Variants in TENM3 observed in about 807,000 individuals in gnomAD.
The protein encoded by TENM3 is teneurin-3.
A neutral mutation model predicts 255.1 loss-of-function variants in TENM3; 63 were observed. The ratio of observed to expected loss-of-function variants is 0.25; its 90% confidence interval spans 0.20 to 0.30. TENM3 has a LOEUF of 0.30. Ranked by LOEUF, TENM3 falls within the 10% of genes least tolerant of loss-of-function variation. TENM3 has a pLI of 1.00. For synonymous variants in TENM3, 1,306 were observed against 1,322.3 expected (o/e 0.99, Z 0.27); for missense variants, 2,929 against 3,461.1 (o/e 0.85, Z 3.86).
intron 24 of TENM3, among the ~76,000 whole-genome samples, chr4:182,780,049 C>G (rs1229513036): frequency 6.6e-6 from 1 of 151,448 alleles, no homozygotes; most frequent in African/African-American, 2.4e-5. Context: ...TGCAGAAGCT[C>G]TTTAGTTTAA....
At chr4:182,174,612 G>A (rs1285529849) in intron 1 of TENM3, among the ~76,000 whole-genome samples, 2 of 151,824 alleles carry the variant, frequency 1.3e-5, no homozygotes, top group African/African-American at 4.8e-5. Context: ...TAAATACTTG[G>A]GGTCAGATAG....
rs552559213 is a variant in TENM3, at chr4:182,145,779, C to G, written c.-76+1025C>G. 9.1e-4 allele frequency among the ~76,000 whole-genome samples: 138 copies of G among 152,284 alleles called. 1 individual carries two copies. The highest frequency in any genetic ancestry group is 1.4e-3 in the Non-Finnish European group (96 of 68,032). On this transcript the variant is annotated intron_variant, in intron 1 of 2. Transcript: ENST00000512480. Reference sequence around the variant, plus strand: ...CAGGGCCCCAGACGGCTGGGATGCCCGAGAACAGGACTGTCTCTTCATCAT... The same window carrying G: ...CAGGGCCCCAGACGGCTGGGATGCCGGAGAACAGGACTGTCTCTTCATCAT...
chr4:182,452,086 A>G (rs768733984), intron 3 of TENM3, among the ~76,000 whole-genome samples: 1 of 152,230 alleles, frequency 6.6e-6, no homozygotes, highest in Admixed American at 6.5e-5. Flanking sequence ...GTGAAAATCT[A>G]TATGTATACA....
intron 24 of TENM3, among the ~76,000 whole-genome samples, chr4:182,776,458 G>T (rs751116511): frequency 6.6e-6 from 1 of 152,104 alleles, no homozygotes; most frequent in Non-Finnish European, 1.5e-5. Flanking sequence ...TGACCCTAAC[G>T]CAGATAGCCT....
At chr4:181,708,686 TA>T in the TENM3 span, among the ~76,000 whole-genome samples, 10 of 151,148 alleles carry the variant, frequency 6.6e-5, no homozygotes, top group Admixed American at 2.6e-4. Context: ...GCTATGCCTT[TA>T]AAAAAAAAGT....
At chr4:182,360,676 A>G (rs1765902183) in intron 3 of TENM3, among the ~76,000 whole-genome samples, 1 of 151,972 alleles carries the variant, frequency 6.6e-6, no homozygotes, top group African/African-American at 2.4e-5. Context: ...TCTTTATCCA[A>G]TTTGCCAGTC....
chr4:182,429,999 A>T lies in TENM3; in HGVS notation c.511+83070A>T, dbSNP rs1771501783. On this transcript the variant is annotated intron_variant, in intron 3 of 27. Coordinates refer to ENST00000511685, the MANE Select transcript of TENM3 (RefSeq NM_001080477.4). ...TACACATCCAGAAAGTGTAAGAGGC[A>T]GAATTTGAACTGAAGCCTGTCTGAC... 2.0e-5 allele frequency among the ~76,000 whole-genome samples: 3 copies of T among 152,246 alleles called. No individual in the cohort carries two copies. In the South Asian group the frequency reaches 6.2e-4, roughly 31 times the overall value.
intron 16 of TENM3, 109 bp from the exon 17 acceptor site, chr4:182,736,699 C>T (rs1018813002): frequency 3.0e-5 from 32 of 1,059,074 alleles, no homozygotes; most frequent in Non-Finnish European, 2.4e-5. Flanking sequence ...TAAACTAAGA[C>T]ACAGAGAGTC....
the TENM3 span, among the ~76,000 whole-genome samples, chr4:181,929,588 C>T: frequency 6.6e-6 from 1 of 152,142 alleles, no homozygotes; most frequent in Non-Finnish European, 1.5e-5. Context: ...TGGTGGGACA[C>T]TTTAACACCC....
chr4:182,658,483 T>G (rs149385096), intron 6 of TENM3, among the ~76,000 whole-genome samples: 1 of 152,318 alleles, frequency 6.6e-6, no homozygotes, highest in East Asian at 1.9e-4. Flanking sequence ...AGATCTCAAC[T>G]ACATATTTTG....
At chr4:181,539,062 T>G in the TENM3 span, among the ~76,000 whole-genome samples, 2 of 152,200 alleles carry the variant, frequency 1.3e-5, no homozygotes, top group African/African-American at 4.8e-5. Context: ...TATCGTTCCC[T>G]TTGTATTTTT....
At chr4:182,432,085 A>G (rs559701420) in intron 3 of TENM3, among the ~76,000 whole-genome samples, 4 of 152,004 alleles carry the variant, frequency 2.6e-5, no homozygotes, top group African/African-American at 9.6e-5. Context: ...TCAAAAAAAA[A>G]AAAAAGAAAG....
chr4:181,614,331 T>TA, the TENM3 span, among the ~76,000 whole-genome samples: 190 of 152,240 alleles, frequency 1.2e-3, no homozygotes, highest in African/African-American at 4.4e-3. Context: ...ATCTCTCCCT[T>TA]AAAAAAAGAT....
chr4:182,343,278 A>G (rs1764597662), intron 2 of TENM3, among the ~76,000 whole-genome samples: 1 of 152,192 alleles, frequency 6.6e-6, no homozygotes, highest in Non-Finnish European at 1.5e-5. Context: ...CCTGTTTCAA[A>G]TTGTAATGGG....
the TENM3 span, among the ~76,000 whole-genome samples, chr4:181,785,335 G>C: frequency 7.9e-5 from 12 of 152,126 alleles, no homozygotes. Context: ...CCTGTGGTCG[G>C]AGCGAAGCCC....
chr4:182,772,025 G>A (rs1166730691), intron 22 of TENM3, among the ~76,000 whole-genome samples: 1 of 152,080 alleles, frequency 6.6e-6, no homozygotes, highest in East Asian at 1.9e-4. Context: ...GAATTAATGG[G>A]ATCAGCTCAT....
chr4:182,208,419 G>GCTC (rs1240463478), intron 1 of TENM3, among the ~76,000 whole-genome samples: 1 of 152,180 alleles, frequency 6.6e-6, no homozygotes, highest in Non-Finnish European at 1.5e-5. Context: ...GGGACAGATA[G>GCTC]TATTTTAGGC....
Position 182,788,596 on chromosome 4 carries a change from AC to A in TENM3, c.5305-495del, listed in dbSNP as rs202129589. 5.2e-3 allele frequency among the ~76,000 whole-genome samples: 790 copies of A among 152,360 alleles called. 15 individuals are homozygous for A. The highest frequency in any genetic ancestry group is 0.038 in the Admixed American group (577 of 15,298). The stretch of plus-strand genomic sequence containing the variant: ...GCCAAAAGCAATGATCTTGTTTATA[AC>A]CTGCTGCTATTGAAACTCATTAATA... On this transcript the variant is annotated intron_variant, in intron 24 of 27. Coordinates refer to ENST00000511685, the MANE Select transcript of TENM3 (RefSeq NM_001080477.4).
chr4:182,050,300 A>T, the TENM3 span, among the ~76,000 whole-genome samples: 1 of 152,154 alleles, frequency 6.6e-6, no homozygotes, highest in Admixed American at 6.5e-5. Context: ...GCCTAAAAAT[A>T]TGTATTTCTT....
Sources: gnomAD v4.1 joint callset for allele counts (sites outside exome capture counted in the v4.1 genomes callset) on GRCh38, gnomAD v4.1.1 for gene constraint, MANE v1.5 for transcripts, NCBI Gene and HGNC (gene_info 2026-07-23, HGNC 2026-07-21) for gene names.